The following CDH13 variants were observed in gnomAD, a reference collection of about 807,000 sequenced individuals.
CDH13 encodes the protein cadherin-13.
Under a neutral mutation model 63.8 loss-of-function variants are expected in CDH13, and 24 were observed. The ratio of observed to expected loss-of-function variants is 0.38; its 90% CI spans 0.27 to 0.53. CDH13 has a LOEUF of 0.53. Among genes scored for constraint, CDH13 ranks in the 20% least tolerant of loss-of-function variants. The pLI is 0.85. For synonymous variants in CDH13, 503 were observed against 355.3 expected (o/e 1.42, Z -4.67); for missense variants, 1,049 against 903.1 (o/e 1.16, Z -2.07).
chr16:83,068,424 A>G (rs1355283203), intron 3 of CDH13, among the ~76,000 whole-genome samples: 1 of 152,184 alleles, frequency 6.6e-6, no homozygotes, highest in African/African-American at 2.4e-5. Flanking sequence ...CACATATGAA[A>G]TATGCTACCC....
intron 10 of CDH13, among the ~76,000 whole-genome samples, chr16:83,714,223 C>G (rs1434257691): frequency 6.6e-6 from 1 of 152,182 alleles, no homozygotes; most frequent in East Asian, 1.9e-4. Context: ...TCTATAGTTT[C>G]CAGAAATGTA....
intron 5 of CDH13, among the ~76,000 whole-genome samples, chr16:83,249,385 T>C (rs1408108555): frequency 6.6e-6 from 1 of 152,206 alleles, no homozygotes; most frequent in Non-Finnish European, 1.5e-5. Context: ...AGGATTGTCT[T>C]ACTTCTTCAC....
At chr16:82,987,486 C>T (rs770941993) in intron 2 of CDH13, among the ~76,000 whole-genome samples, 2 of 152,154 alleles carry the variant, frequency 1.3e-5, no homozygotes, top group African/African-American at 2.4e-5. Context: ...AAGCAATTCT[C>T]CTGCCTCAGC....
intron 10 of CDH13, among the ~76,000 whole-genome samples, chr16:83,679,971 CT>C (rs1915272949): frequency 6.6e-6 from 1 of 152,112 alleles, no homozygotes; most frequent in Admixed American, 6.6e-5. Context: ...AGATGTCCTA[CT>C]AAGATGGGAC....
intron 4 of CDH13, among the ~76,000 whole-genome samples, chr16:83,140,675 G>C (rs144919373): frequency 6.6e-6 from 1 of 152,200 alleles, no homozygotes; most frequent in South Asian, 2.1e-4. Context: ...GGCTTGTCTC[G>C]AACTCCTGAC....
chr16:83,289,884 C>A (rs752852843), intron 5 of CDH13, among the ~76,000 whole-genome samples: 6 of 152,112 alleles, frequency 3.9e-5, no homozygotes, highest in Non-Finnish European at 8.8e-5. Context: ...TACTTTCATC[C>A]AGCTGGATGG....
At chr16:82,781,638 A>G (rs377233815) in intron 1 of CDH13, among the ~76,000 whole-genome samples, 7 of 152,246 alleles carry the variant, frequency 4.6e-5, no homozygotes, top group African/African-American at 1.7e-4. Flanking sequence ...TCAGCTATTC[A>G]TCTACCTATC....
rs75483570 is a variant in CDH13, at chr16:82,736,928, T to C, written c.45+109791T>C. Among the ~76,000 whole-genome samples the C allele has an allele frequency of 4.2e-3, 643 of 152,324 alleles. 6 individuals are homozygous for C. The highest frequency in any genetic ancestry group is 0.023 in the Admixed American group (347 of 15,304). ...GTTCCTCCACCTTTCACTTCTCAGATGCAGCATAATCGTGTTTCTTCCTCC... is the reference window on the plus strand; with the variant it reads ...GTTCCTCCACCTTTCACTTCTCAGACGCAGCATAATCGTGTTTCTTCCTCC... On this transcript the variant is annotated intron_variant, in intron 1 of 13. Coordinates refer to ENST00000567109, the MANE Select transcript of CDH13 (RefSeq NM_001257.5).
intron 2 of CDH13, among the ~76,000 whole-genome samples, chr16:82,909,617 G>A (rs2041764467): frequency 6.6e-6 from 1 of 152,042 alleles, no homozygotes. Context: ...CTTTTGTGGT[G>A]GCAGGCAAGA....
chr16:82,679,938 C>G (rs1914361600), intron 1 of CDH13, among the ~76,000 whole-genome samples: 1 of 152,146 alleles, frequency 6.6e-6, no homozygotes, highest in African/African-American at 2.4e-5. Flanking sequence ...CACAGGAAAC[C>G]TTCAGTATAT....
At chr16:83,579,999 A>C (rs1325181330) in intron 7 of CDH13, among the ~76,000 whole-genome samples, 1 of 152,150 alleles carries the variant, frequency 6.6e-6, no homozygotes, top group Non-Finnish European at 1.5e-5. Context: ...GCTCAGAAGT[A>C]GAGAGAGCAT....
intron 6 of CDH13, among the ~76,000 whole-genome samples, chr16:83,472,030 G>T (rs976026722): frequency 6.6e-6 from 1 of 152,130 alleles, no homozygotes; most frequent in African/African-American, 2.4e-5. Context: ...TGGTGCTTCT[G>T]GGCCATGCCT....
At chr16:82,685,676 A>G (rs1914992596) in intron 1 of CDH13, among the ~76,000 whole-genome samples, 1 of 152,184 alleles carries the variant, frequency 6.6e-6, no homozygotes, top group African/African-American at 2.4e-5. Context: ...CAGAGTTTGC[A>G]GTCTGTGAGG....
chr16:83,070,175 G>C (rs934614780), intron 3 of CDH13, among the ~76,000 whole-genome samples: 3 of 152,208 alleles, frequency 2.0e-5, no homozygotes, highest in Admixed American at 2.0e-4. Context: ...AGCTTTCTTT[G>C]CTTCTAGAGA....
chr16:83,314,765 T>C (rs2090072339), intron 5 of CDH13, among the ~76,000 whole-genome samples: 2 of 152,256 alleles, frequency 1.3e-5, no homozygotes, highest in African/African-American at 4.8e-5. Context: ...TCTCTTTACA[T>C]GTTGACTTTA....
intron 6 of CDH13, among the ~76,000 whole-genome samples, chr16:83,447,174 G>C (rs113237131): frequency 0.086 from 11,575 of 133,842 alleles, 665 homozygotes; most frequent in Admixed American, 0.2. Flanking sequence ...CAGCTCTTTG[G>C]GAGGGCGAGG....
At chr16:83,739,859 A>G (rs1389892691) in intron 10 of CDH13, 1 of 152,206 alleles carries the variant, frequency 6.6e-6, no homozygotes, top group Non-Finnish European at 1.5e-5. Flanking sequence ...CCACTCTTCT[A>G]GATTCTATGT....
At chr16:83,048,370 G>C (rs1380088101) in intron 3 of CDH13, among the ~76,000 whole-genome samples, 2 of 152,178 alleles carry the variant, frequency 1.3e-5, no homozygotes, top group Non-Finnish European at 2.9e-5. Context: ...GGATGGGGGT[G>C]ATACGAAAAT....
At chr16:82,891,915 G>A (rs765690800) in intron 2 of CDH13, among the ~76,000 whole-genome samples, 2 of 152,158 alleles carry the variant, frequency 1.3e-5, no homozygotes, top group Non-Finnish European at 2.9e-5. Context: ...CTTAAATATA[G>A]ATGAGGAAAT....
Sources: gnomAD v4.1 joint callset for allele counts (sites outside exome capture counted in the v4.1 genomes callset) on GRCh38, gnomAD v4.1.1 for gene constraint, MANE v1.5 for transcripts, NCBI Gene and HGNC (gene_info 2026-07-23, HGNC 2026-07-21) for gene names.